The following LONP1 variants were observed in gnomAD, a reference collection of about 807,000 sequenced individuals.
LONP1 encodes lon protease homolog, mitochondrial.
Under a neutral mutation model 98.5 loss-of-function variants are expected in LONP1, and 31 were observed. The ratio of observed to expected loss-of-function variants is 0.31; its 90% CI spans 0.24 to 0.42. The LOEUF is 0.42. LONP1 is among the 20% of genes least tolerant of loss of function. LONP1 has a pLI of 1.00. For missense variants in LONP1, 1,336 were observed against 1,350.6 expected, an observed-to-expected ratio of 0.99 and a Z score of 0.17; for synonymous variants, 781 against 594.7, an observed-to-expected ratio of 1.31 and a Z score of -4.56.
intron 11 of LONP1, 38 bp downstream of exon 11, chr19:5,696,632 T>C (rs2145585160): frequency 6.6e-7 from 1 of 1,523,120 alleles, no homozygotes; most frequent in Non-Finnish European, 9.0e-7. Flanking sequence ...CACACGGCAT[T>C]GCCGGGTTAG....
rs117017689 is a variant in LONP1, at chr19:5,695,111, A to G, written c.2014-210T>C. ...TGCTTGTGCTGCGTCCTCTGCTTGG[A>G]TCCACTTCCTATCCCCCAATGGTAT... On this transcript the variant is annotated intron_variant, in intron 13 of 17. Coordinates refer to ENST00000360614, the MANE Select transcript of LONP1 (RefSeq NM_004793.4). Among the ~76,000 whole-genome samples, 3,052 of 151,776 alleles carry G rather than the reference A, an allele frequency of 0.02. 54 individuals carry two copies. The highest frequency in any genetic ancestry group is 0.028 in the Non-Finnish European group (1,889 of 67,886).
chr19:5,720,441 G>A (rs3810218), upstream of LONP1: 3,384 of 592,386 alleles, frequency 5.7e-3, 159 homozygotes, highest in East Asian at 0.089. Context: ...TGAGCAGCCT[G>A]TGCACATGCT....
At chr19:5,695,489 G>C (rs2054909517) in intron 13 of LONP1, among the ~76,000 whole-genome samples, 2 of 152,304 alleles carry the variant, frequency 1.3e-5, no homozygotes, top group African/African-American at 4.8e-5. Flanking sequence ...GTCAGGCTGG[G>C]AACTGGGCCC....
chr19:5,718,880 C>A (rs1290909648), intron 1 of LONP1, among the ~76,000 whole-genome samples: 1 of 152,152 alleles, frequency 6.6e-6, no homozygotes, highest in East Asian at 1.9e-4. Context: ...TTGTTCTCTA[C>A]AGTATTCTCA....
intron 4 of LONP1, chr19:5,708,668 G>C (rs1487298862): frequency 2.4e-6 from 1 of 417,754 alleles, no homozygotes; most frequent in South Asian, 4.2e-5. Context: ...CTTAGGATAA[G>C]CTATCTCAGG....
chr19:5,694,224 C>A (rs928879370), intron 15 of LONP1, among the ~76,000 whole-genome samples, 163 bp downstream of exon 15: 1 of 152,126 alleles, frequency 6.6e-6, no homozygotes, highest in Non-Finnish European at 1.5e-5. Flanking sequence ...CACAGCCTTC[C>A]CCTCCCTCAG....
intron 5 of LONP1, 75 bp downstream of exon 5, chr19:5,708,267 G>T: frequency 1.4e-6 from 2 of 1,451,498 alleles, no homozygotes; most frequent in Non-Finnish European, 9.5e-7. Flanking sequence ...CGCTGAGGAA[G>T]CCCCCTACCC....
In LONP1 at chr19:5,693,288, G is replaced by A. The variant is rs2054864184; in HGVS notation, c.2703+10C>T. 11 of 1,605,400 alleles carry A rather than the reference G, an allele frequency of 6.9e-6. No homozygotes were observed. The East Asian group carries it at 1.3e-4, about 20-fold the overall frequency. On this transcript the variant is annotated intron_variant, in intron 17 of 17. Coordinates refer to ENST00000360614, the MANE Select transcript of LONP1 (RefSeq NM_004793.4). ...TGCCAGTGCTGTGGGGTGGGTACAG[G>A]GACACTCACCGCAATGGTCTTCTCC...
chr19:5,692,515 TCA>T (rs1248915327), intron 17 of LONP1, among the ~76,000 whole-genome samples: 5 of 152,106 alleles, frequency 3.3e-5, no homozygotes, highest in African/African-American at 1.2e-4. Context: ...ACCCACGGCC[TCA>T]CATCCAGAGG....
At chr19:5,708,002 G>C (rs570559373) in intron 5 of LONP1, 176 bp from the exon 6 acceptor site, 2 of 734,256 alleles carry the variant, frequency 2.7e-6, no homozygotes, top group East Asian at 2.7e-5. Context: ...GGGCCCACCC[G>C]TCCTGGGCTG....
chr19:5,694,316 A>G, intron 15 of LONP1, 71 bp downstream of exon 15: 6 of 1,584,474 alleles, frequency 3.8e-6, no homozygotes, highest in Non-Finnish European at 5.2e-6. Context: ...ACAGGTGTAC[A>G]AGGTGGGACC....
At chr19:5,708,201 C>A in intron 5 of LONP1, 141 bp downstream of exon 5, 1 of 835,606 alleles carries the variant, frequency 1.2e-6, no homozygotes, top group East Asian at 2.7e-5. Flanking sequence ...CAGTGGGCAA[C>A]GGGCTCCTCC....
At chr19:5,706,161 G>A (rs865974194) in intron 7 of LONP1, among the ~76,000 whole-genome samples, 169 bp from the exon 8 acceptor site, 7 of 152,114 alleles carry the variant, frequency 4.6e-5, no homozygotes, top group African/African-American at 1.7e-4. Flanking sequence ...TTTTGAGACA[G>A]GGTCTACCTG....
intron 3 of LONP1, chr19:5,712,515 A>C: frequency 5.7e-6 from 1 of 176,584 alleles, no homozygotes; most frequent in South Asian, 1.3e-4. Context: ...GCACCACCTG[A>C]ACTCAGGGTC....
chr19:5,708,200 A>G, intron 5 of LONP1, 142 bp downstream of exon 5: 1 of 830,732 alleles, frequency 1.2e-6, no homozygotes, highest in South Asian at 1.7e-5. Context: ...CCAGTGGGCA[A>G]CGGGCTCCTC....
At chr19:5,696,423 G>C in intron 11 of LONP1, 52 bp from the exon 12 acceptor site, 1 of 1,592,502 alleles carries the variant, frequency 6.3e-7, no homozygotes, top group South Asian at 1.1e-5. Flanking sequence ...TGGCCAGCCC[G>C]CCCAGTGGGG....
chr19:5,699,258 C>G (rs959710808), intron 9 of LONP1, 53 bp from the exon 10 acceptor site: 6 of 1,414,916 alleles, frequency 4.2e-6, no homozygotes, highest in African/African-American at 2.9e-5. Flanking sequence ...GCCGGGGACC[C>G]GCGCATGACT....
At position 5,708,423 on chromosome 19, in the gene LONP1, G is replaced by T; in HGVS notation, c.871-20C>A. On this transcript the variant is annotated intron_variant, in intron 4 of 17. Transcript: ENST00000360614. ...CAGGGCCTGCCAAGTATGGGGCAGGGTCGCTGGGGCCCAGCAGTGCTCCAG... is the reference window on the plus strand; with the variant it reads ...CAGGGCCTGCCAAGTATGGGGCAGGTTCGCTGGGGCCCAGCAGTGCTCCAG... The T allele has an allele frequency of 6.2e-7, 1 of 1,601,098 alleles. No homozygotes were observed.
rs200560013 is a variant in LONP1 at position 5,692,212 on chromosome 19, G to A, written c.2704-4C>T. The A allele has an allele frequency of 6.2e-7, 1 of 1,609,378 alleles. No homozygotes were observed. Among genetic ancestry groups the A allele is most frequent in the Admixed American group, 1.7e-5 (1 of 59,732 alleles). Reference sequence around the variant, plus strand: ...ACGTCACCCCTGCGCGCTTGGCCTGGGGGCAGAGTCAGGGTCAGCCCTGCC... The same window carrying A: ...ACGTCACCCCTGCGCGCTTGGCCTGAGGGCAGAGTCAGGGTCAGCCCTGCC... On this transcript the variant is annotated splice_polypyrimidine_tract_variant and splice_region_variant and intron_variant, in intron 17 of 17. Coordinates refer to ENST00000360614, the MANE Select transcript of LONP1 (RefSeq NM_004793.4).
Sources: gnomAD v4.1 joint callset for allele counts (sites outside exome capture counted in the v4.1 genomes callset) on GRCh38, gnomAD v4.1.1 for gene constraint, MANE v1.5 for transcripts, NCBI Gene and HGNC (gene_info 2026-07-23, HGNC 2026-07-21) for gene names.